PPP6R2: variants seen among roughly 807,000 people sequenced by gnomAD.
PPP6R2 encodes protein phosphatase 6 regulatory subunit 2.
In PPP6R2, 62 loss-of-function variants were observed where a neutral mutation model predicts 100.2. The observed-to-expected ratio is 0.62, with a 90% CI of 0.50 to 0.76. The LOEUF is 0.76. Among genes scored for constraint, PPP6R2 ranks in the 30% least tolerant of loss-of-function variants. The pLI is 0.00. For missense variants in PPP6R2, 1,142 were observed against 1,276.3 expected, an observed-to-expected ratio of 0.89 and a Z score of 1.60; for synonymous variants, 525 against 514.7, an observed-to-expected ratio of 1.02 and a Z score of -0.27.
intron 2 of PPP6R2, chr22:50,388,967 A>G (rs1324829856): frequency 6.6e-6 from 1 of 152,204 alleles, no homozygotes; most frequent in Non-Finnish European, 1.5e-5. Flanking sequence ...TCTCTATCAC[A>G]GAATGTTGTT....
At chr22:50,333,027 T>C in the PPP6R2 span, among the ~76,000 whole-genome samples, 17 of 152,124 alleles carry the variant, frequency 1.1e-4, no homozygotes, top group African/African-American at 3.9e-4. Context: ...GTGGTTCAGC[T>C]ACTTGGGAGG....
intron 4 of PPP6R2, among the ~76,000 whole-genome samples, chr22:50,413,433 G>A (rs759148340): frequency 7.9e-5 from 12 of 152,130 alleles, no homozygotes; most frequent in Admixed American, 2.0e-4. Context: ...GGTGGAGGCT[G>A]CAGTGAGTTA....
chr22:50,404,656 C>G (rs1057417774), intron 3 of PPP6R2, among the ~76,000 whole-genome samples: 14 of 142,322 alleles, frequency 9.8e-5, no homozygotes, highest in African/African-American at 2.6e-5. Flanking sequence ...AGGCTAGTCT[C>G]CCACTCCTGA....
chr22:50,372,173 T>C (rs753931183), intron 2 of PPP6R2, 23 bp downstream of exon 2: 1 of 152,226 alleles, frequency 6.6e-6, no homozygotes, highest in Non-Finnish European at 1.5e-5. Flanking sequence ...TCTTTTTCAA[T>C]TTGATTCTGT....
Position 50,437,509 on chromosome 22 carries a change from T to G in PPP6R2, c.1687T>G (p.Phe563Val), listed in dbSNP as rs745978569. Residue 563 changes from phenylalanine to valine, a missense_variant, in exon 16 of 24, where the codon TTC (phenylalanine) becomes GTC (valine). Coordinates refer to ENST00000612753, the MANE Select transcript of PPP6R2 (RefSeq NM_001242898.2). Reference protein sequence around the residue: ...FPNELSLQQAFSDYQIQQMTA... With the variant: ...FPNELSLQQAVSDYQIQQMTA... ...TCCCTCCCTCCCTCCCTCCCAGGCCTTCTCTGACTACCAGATCCAGCAGAT... is the reference window on the plus strand; with the variant it reads ...TCCCTCCCTCCCTCCCTCCCAGGCCGTCTCTGACTACCAGATCCAGCAGAT... 1.7e-6 allele frequency: 1 copy of G among 582,982 alleles called. No homozygotes were observed. Among genetic ancestry groups the G allele is most frequent in the Non-Finnish European group, 3.0e-6 (1 of 335,710 alleles). 36.1% of individuals were successfully genotyped at this position (582,982 alleles called of 1,614,324 possible). A position where few individuals can be genotyped will look rare whatever the true frequency, so the allele number is the denominator to read the frequency against.
upstream of PPP6R2, among the ~76,000 whole-genome samples, chr22:50,342,562 A>G (rs528790433): frequency 6.6e-6 from 1 of 152,378 alleles, no homozygotes; most frequent in African/African-American, 2.4e-5. Context: ...ACGCTTTCGC[A>G]GAGAGCATCG....
chr22:50,337,532 AGT>A, the PPP6R2 span, among the ~76,000 whole-genome samples: 2 of 60,450 alleles, frequency 3.3e-5, no homozygotes, highest in Non-Finnish European at 6.5e-5. Context: ...GTGTGTGTAT[AGT>A]GTGTGCGATG....
At chr22:50,350,520 C>T (rs1249319935) in intron 1 of PPP6R2, among the ~76,000 whole-genome samples, 1 of 151,846 alleles carries the variant, frequency 6.6e-6, no homozygotes, top group Non-Finnish European at 1.5e-5. Context: ...GCATGAACCA[C>T]TGCGACCGGC....
chr22:50,414,839 C>G (rs1287821104), intron 5 of PPP6R2, 150 bp downstream of exon 5: 8 of 906,814 alleles, frequency 8.8e-6, no homozygotes, highest in Middle Eastern at 6.9e-4. Context: ...GGGTTCTTGT[C>G]AAGGATTGTG....
At chr22:50,416,008 G>A in intron 5 of PPP6R2, 84 bp from the exon 6 acceptor site, 2 of 1,241,278 alleles carry the variant, frequency 1.6e-6, no homozygotes, top group Non-Finnish European at 2.4e-6. Flanking sequence ...GAAAACGGGT[G>A]CAGTGCTGCA....
chr22:50,365,104 T>C (rs1237604814), intron 1 of PPP6R2, among the ~76,000 whole-genome samples: 4 of 149,760 alleles, frequency 2.7e-5, no homozygotes, highest in South Asian at 4.3e-4. Flanking sequence ...GGAGTTTTGC[T>C]CTTGTTGCCC....
At chr22:50,359,464 G>A (rs1317300358) in intron 1 of PPP6R2, among the ~76,000 whole-genome samples, 2 of 152,050 alleles carry the variant, frequency 1.3e-5, no homozygotes, top group South Asian at 2.1e-4. Context: ...TGATCTGCCC[G>A]CCTCGGCCTC....
At chr22:50,351,893 A>G (rs1185498728) in intron 1 of PPP6R2, among the ~76,000 whole-genome samples, 5 of 152,012 alleles carry the variant, frequency 3.3e-5, no homozygotes, top group Non-Finnish European at 7.4e-5. Context: ...TCCCAGGTTC[A>G]TGCCATTCTC....
At position 50,431,415 on chromosome 22, in the gene PPP6R2, C is replaced by G; in HGVS notation, c.1335+33C>G. 2 of 1,578,986 alleles carry G rather than the reference C, an allele frequency of 1.3e-6. No homozygotes were observed. The highest frequency in any genetic ancestry group is 1.7e-6 in the Non-Finnish European group (2 of 1,155,854). On this transcript the variant is annotated intron_variant, in intron 11 of 23. Coordinates refer to ENST00000612753, the MANE Select transcript of PPP6R2 (RefSeq NM_001242898.2). This position sits in a 1 kb window ranked among gnomAD's most constrained non-coding sequence, Gnocchi z 4.8. Reference sequence around the variant, plus strand: ...CAAGAAGCATCCATCTTATCAGCGCCAACTGCGCCCCACTCAGACCGTGTC... The same window carrying G: ...CAAGAAGCATCCATCTTATCAGCGCGAACTGCGCCCCACTCAGACCGTGTC...
Position 50,375,832 on chromosome 22 carries a change from ATTTT to A in PPP6R2, c.-17+3705_-17+3708del, listed in dbSNP as rs557118142. ...CCTAAGATACAAAGAATCCCTGCAG[ATTTT>A]TTTTTTTTTTTTTTTTTTTTTTGAG... is the stretch of plus-strand genomic sequence containing the variant. On this transcript the variant is annotated intron_variant, in intron 2 of 23. Coordinates refer to ENST00000612753, the MANE Select transcript of PPP6R2 (RefSeq NM_001242898.2). Among the ~76,000 whole-genome samples the A allele has an allele frequency of 5.6e-4, 36 of 64,554 alleles. 1 individual carries two copies. Among genetic ancestry groups the A allele is most frequent in the African/African-American group, 2.3e-3 (28 of 12,008 alleles). 42.3% of individuals were successfully genotyped at this position (64,554 alleles called of 152,430 possible).
Position 50,440,861 on chromosome 22 carries a change from C to T in PPP6R2, c.2414C>T (p.Thr805Ile). 1.9e-6 allele frequency: 3 copies of T among 1,613,870 alleles called. No homozygotes were observed. The highest frequency in any genetic ancestry group is 2.5e-6 in the Non-Finnish European group (3 of 1,180,006). The change falls in exon 22 of 24, where the codon ACC becomes ATC. Residue 805 changes from threonine (T) to isoleucine (I), a missense_variant. Physicochemically the swap from Thr to Ile is moderately conservative, Grantham distance 89 (BLOSUM62 -1). Coordinates refer to ENST00000612753, the MANE Select transcript of PPP6R2 (RefSeq NM_001242898.2). The part of the protein sequence containing the change: ...ASPCAWNVCV[T>I]RKAPLLASDS... ...CCATGTGCCTGGAACGTGTGTGTCA[C>T]CAGGAAGGCCCCCCTGCTGGCCTCT...
intron 1 of PPP6R2, among the ~76,000 whole-genome samples, chr22:50,347,743 T>C (rs1011239923): frequency 6.6e-6 from 1 of 152,120 alleles, no homozygotes; most frequent in Admixed American, 6.6e-5. Flanking sequence ...TCCTGTGTCT[T>C]GTTCTTTCAT....
At chr22:50,432,606 G>A (rs1219740877) in intron 12 of PPP6R2, among the ~76,000 whole-genome samples, 2 of 152,256 alleles carry the variant, frequency 1.3e-5, no homozygotes, top group African/African-American at 4.8e-5. Flanking sequence ...GCCTGGCTTT[G>A]CCCTCTTGTG....
Position 50,351,039 on chromosome 22 carries a change from T to TG in PPP6R2, c.-148+7489_-148+7490insG, listed in dbSNP as rs1313827255. 7.6e-3 allele frequency among the ~76,000 whole-genome samples: 797 copies of TG among 105,152 alleles called. 14 individuals carry two copies. Among genetic ancestry groups the TG allele is most frequent in the African/African-American group, 0.026 (708 of 27,444 alleles). 69.0% of individuals were successfully genotyped at this position (105,152 alleles called of 152,430 possible). A position where few individuals can be genotyped will look rare whatever the true frequency, so the allele number is the denominator to read the frequency against. ...GGTCTCAACAGTGTTTTTTTTTTTT[T>TG]TTTTTTTTTTTTTTTTTTGAGACAG... On this transcript the variant is annotated intron_variant, in intron 1 of 23. Transcript: ENST00000612753.
Sources: allele counts gnomAD v4.1 joint callset (sites outside exome capture counted in the v4.1 genomes callset), GRCh38; gene constraint gnomAD v4.1.1; non-coding constraint Gnocchi (gnomAD v3.1); transcripts MANE v1.5; gene names NCBI Gene and HGNC (gene_info 2026-07-23, HGNC 2026-07-21).